The following BSPRY variants were observed in gnomAD, a reference collection of about 807,000 sequenced individuals.
BSPRY encodes B-box and SPRY domain containing.
A neutral mutation model predicts 38.0 loss-of-function variants in BSPRY; 33 were observed. The ratio of observed to expected loss-of-function variants is 0.87; its 90% CI spans 0.66 to 1.16. The LOEUF (loss-of-function observed/expected upper bound fraction) is 1.16, where lower values mean the gene tolerates loss of function less well. Ranked by LOEUF, BSPRY falls within the 50% of genes most tolerant of loss-of-function variation. BSPRY has a pLI of 0.00. For synonymous variants in BSPRY, 224 were observed against 228.5 expected (o/e 0.98, Z 0.18); for missense variants, 523 against 533.2 (o/e 0.98, Z 0.19).
Position 113,349,589 on chromosome 9 carries a change from G to A in BSPRY, c.10G>A (p.Glu4Lys), listed in dbSNP as rs1588058317. ...GGGCGGGCGCACGGCCATGTCCGCC[G>A]AGGGCGCGGAGCCGGGGCCGGGGTC... MSA[E>K]GAEPGPGSGS... The change falls in exon 1 of 6, where the codon GAG becomes AAG. Residue 4 changes from glutamate to lysine, a missense_variant. Physicochemically the swap from Glu to Lys is moderately conservative, Grantham distance 56. Coordinates refer to ENST00000374183, the MANE Select transcript of BSPRY (RefSeq NM_017688.3). The A allele has an allele frequency of 1.7e-6, 2 of 1,175,162 alleles. No homozygotes were observed. Among genetic ancestry groups the A allele is most frequent in the East Asian group, 7.7e-5 (2 of 25,828 alleles). 72.8% of individuals were successfully genotyped at this position (1,175,162 alleles called of 1,614,324 possible).
chr9:113,360,855 G>A, intron 3 of BSPRY, 118 bp downstream of exon 3: 1 of 900,494 alleles, frequency 1.1e-6, no homozygotes, highest in South Asian at 1.7e-5. Context: ...GCAGGGATGA[G>A]TGACAAAGAT....
intron 1 of BSPRY, among the ~76,000 whole-genome samples, chr9:113,353,693 ACT>A (rs1834008469): frequency 6.6e-6 from 1 of 152,128 alleles, no homozygotes; most frequent in Non-Finnish European, 1.5e-5. Flanking sequence ...ACCGAGTGAG[ACT>A]CTGCCTCAAA....
intron 2 of BSPRY, among the ~76,000 whole-genome samples, chr9:113,355,413 G>T (rs1834041766): frequency 6.6e-6 from 1 of 152,168 alleles, no homozygotes; most frequent in African/African-American, 2.4e-5. Context: ...GGACCTAAAA[G>T]GGGCTAGACC....
chr9:113,349,735 G>C lies in BSPRY; in HGVS notation c.156G>C (p.Arg52=), dbSNP rs1833940081. 1 of 1,239,398 alleles carries C rather than the reference G, an allele frequency of 8.1e-7. No individual in the cohort carries two copies. Among genetic ancestry groups the C allele is most frequent in the Admixed American group, 4.3e-5 (1 of 23,232 alleles). 76.8% of individuals were successfully genotyped at this position (1,239,398 alleles called of 1,614,324 possible). A position where few individuals can be genotyped will look rare whatever the true frequency, so the allele number is the denominator to read the frequency against. Residue 52 remains arginine, a synonymous_variant, in exon 1 of 6, where the codon CGG becomes CGC. Coordinates refer to ENST00000374183, the MANE Select transcript of BSPRY (RefSeq NM_017688.3). ...GCGCGGGGTTGGGCGGTCGCTGCCG[G>C]GGGCACCGCATCCGCCGGGCGGAGG... ...AACAGLGGRC[R]GHRIRRAEER...
chr9:113,364,947 G>GTTT (rs144272713), intron 4 of BSPRY, among the ~76,000 whole-genome samples: 1 of 134,518 alleles, frequency 7.4e-6, no homozygotes, highest in African/African-American at 2.7e-5. Context: ...TCCTTAGCTT[G>GTTT]TTTTTTTTTT....
chr9:113,366,490 C>G (rs1168558712), intron 4 of BSPRY, among the ~76,000 whole-genome samples: 1 of 152,204 alleles, frequency 6.6e-6, no homozygotes, highest in Non-Finnish European at 1.5e-5. Flanking sequence ...CAGATCCTGC[C>G]GCACCATCTG....
intron 4 of BSPRY, among the ~76,000 whole-genome samples, chr9:113,366,639 C>A (rs1834258387): frequency 6.6e-6 from 1 of 152,226 alleles, no homozygotes; most frequent in Non-Finnish European, 1.5e-5. Flanking sequence ...TGTTCAGCCT[C>A]ACATTTGCCC....
chr9:113,362,318 T>C (rs764360584), intron 3 of BSPRY, 51 bp from the exon 4 acceptor site: 5 of 1,608,500 alleles, frequency 3.1e-6, no homozygotes, highest in Non-Finnish European at 4.3e-6. Flanking sequence ...TAGCATTGAC[T>C]CCCTGCTGGG....
chr9:113,368,970 AGTTAG>A (rs923704260), intron 5 of BSPRY, among the ~76,000 whole-genome samples: 4 of 150,830 alleles, frequency 2.7e-5, no homozygotes, highest in Non-Finnish European at 5.9e-5. Context: ...TTCGTGGAAC[AGTTAG>A]GTTAATAGAC....
chr9:113,352,058 ACCT>A (rs368145630), intron 1 of BSPRY, among the ~76,000 whole-genome samples: 19 of 152,134 alleles, frequency 1.2e-4, no homozygotes, highest in African/African-American at 4.6e-4. Flanking sequence ...TGATCCGCCC[ACCT>A]CAGCCTCCCA....
intron 2 of BSPRY, among the ~76,000 whole-genome samples, chr9:113,357,886 CTA>C (rs59328879): frequency 1.7e-4 from 16 of 96,848 alleles, no homozygotes; most frequent in Non-Finnish European, 2.6e-4. Flanking sequence ...CTGTAGAGTT[CTA>C]TATATATATA....
intron 1 of BSPRY, 48 bp downstream of exon 1, chr9:113,349,828 C>T (rs1833942415): frequency 4.1e-5 from 50 of 1,209,912 alleles, no homozygotes; most frequent in Non-Finnish European, 4.9e-5. Flanking sequence ...AGACCCCGGG[C>T]GCGCCTGGCG....
intron 1 of BSPRY, among the ~76,000 whole-genome samples, chr9:113,350,314 C>G (rs1234889061): frequency 6.6e-6 from 1 of 152,132 alleles, no homozygotes; most frequent in Non-Finnish European, 1.5e-5. Context: ...CGCCTCTTCC[C>G]CCTGCTCCTA....
In BSPRY at chr9:113,368,263, G is replaced by A. The variant is rs368497844; in HGVS notation, c.562G>A (p.Glu188Lys). 3.7e-6 allele frequency: 6 copies of A among 1,613,916 alleles called. No homozygotes were observed. Among genetic ancestry groups the A allele is most frequent in the African/African-American group, 1.3e-5 (1 of 74,906 alleles). The change falls in exon 5 of 6, where the codon GAA becomes AAA. Residue 188 changes from glutamate to lysine, a missense_variant. Glu to Lys is a moderately conservative substitution (Grantham distance 56). Transcript: ENST00000374183. ...CTCTGTTTTTCCCCATATAAGGACC[G>A]AAGAAGCAGAGGGCATTTTGGATCC... ...QKEQEIFERT[E>K]EAEGILDPQE...
At position 113,363,876 on chromosome 9, in the gene BSPRY, C is replaced by CAAAAAA. The variant is rs57026104; in HGVS notation, c.557+1508_557+1513dup. 2.7e-4 allele frequency among the ~76,000 whole-genome samples: 10 copies of CAAAAAA among 37,566 alleles called. 1 individual carries two copies. Among genetic ancestry groups the CAAAAAA allele is most frequent in the East Asian group, 1.3e-3 (1 of 756 alleles). The allele number at this position is 37,566 out of a possible 152,430, so 24.6% of individuals were successfully genotyped here. Reference sequence around the variant, plus strand: ...TGGGTGACAGAGTGAGACTCCACCTCAAAAAAAAAAAAAAAAAAAAAAAAA... The same window carrying CAAAAAA: ...TGGGTGACAGAGTGAGACTCCACCTCAAAAAAAAAAAAAAAAAAAAAAAAAAAAAAA... On this transcript the variant is annotated intron_variant, in intron 4 of 5. Coordinates refer to ENST00000374183, the MANE Select transcript of BSPRY (RefSeq NM_017688.3).
Position 113,370,811 on chromosome 9 carries a change from A to G in BSPRY, c.*669A>G, listed in dbSNP as rs1834338247. ...TTCACAGGCAGAGAAGCCTGTGGCT[A>G]AAGTTTCCACATCCCATTAACTCAG... On this transcript the variant is annotated 3_prime_UTR_variant, in exon 6 of 6. Coordinates refer to ENST00000374183, the MANE Select transcript of BSPRY (RefSeq NM_017688.3). This position sits in a 1 kb window ranked among gnomAD's most constrained non-coding sequence, Gnocchi z 4.8. 1 of 152,246 alleles carries G rather than the reference A, an allele frequency of 6.6e-6. No individual in the cohort carries two copies. Among genetic ancestry groups the G allele is most frequent in the South Asian group, 2.1e-4 (1 of 4,838 alleles). The allele number at this position is 152,246 out of a possible 1,614,324, so 9.4% of individuals were successfully genotyped here.
intron 1 of BSPRY, among the ~76,000 whole-genome samples, chr9:113,351,617 T>A (rs1260000168): frequency 6.6e-6 from 1 of 152,124 alleles, no homozygotes; most frequent in Non-Finnish European, 1.5e-5. Flanking sequence ...TTTTGGCAGA[T>A]GGAACTGAGG....
chr9:113,354,176 C>A, intron 1 of BSPRY, 64 bp from the exon 2 acceptor site: 1 of 1,369,512 alleles, frequency 7.3e-7, no homozygotes, highest in Non-Finnish European at 1.0e-6. Flanking sequence ...GAGAAAATCA[C>A]TGGGATGGAG....
In BSPRY at chr9:113,370,349, G is replaced by A; in HGVS notation, c.*207G>A. ...GTGTCCAAACTTTTGGCTTCCCTGG[G>A]CCACATTTGAAGAAGAATTTTCTTG... On this transcript the variant is annotated 3_prime_UTR_variant, in exon 6 of 6. Transcript: ENST00000374183. The surrounding 1 kb of genome is among the most constrained non-coding windows in gnomAD (Gnocchi z 4.8). The A allele has an allele frequency of 2.1e-6, 1 of 466,680 alleles. No homozygotes were observed. Among genetic ancestry groups the A allele is most frequent in the Middle Eastern group, 5.6e-4 (1 of 1,792 alleles). 28.9% of individuals were successfully genotyped at this position (466,680 alleles called of 1,614,324 possible).
Sources: gnomAD v4.1 joint callset for allele counts (sites outside exome capture counted in the v4.1 genomes callset) on GRCh38, gnomAD v4.1.1 for gene constraint, Gnocchi (gnomAD v3.1) non-coding constraint, MANE v1.5 for transcripts, NCBI Gene and HGNC (gene_info 2026-07-23, HGNC 2026-07-21) for gene names.